The following SH3GL2 variants were observed in gnomAD, a reference collection of about 807,000 sequenced individuals.
The protein encoded by SH3GL2 is endophilin-A1.
SH3GL2 carries 24 observed loss-of-function variants against 46.0 expected under a neutral mutation model. The ratio of observed to expected loss-of-function variants is 0.52; its 90% CI spans 0.38 to 0.73. The LOEUF (loss-of-function observed/expected upper bound fraction) is 0.73, where lower values mean the gene tolerates loss of function less well. Among genes scored for constraint, SH3GL2 ranks in the 30% least tolerant of loss-of-function variants. The pLI is 0.00. For missense variants in SH3GL2, 413 were observed against 424.2 expected (o/e 0.97, Z 0.23); for synonymous variants, 196 against 147.1 (o/e 1.33, Z -2.40).
At chr9:17,777,242 C>G (rs1181485821) in intron 3 of SH3GL2, among the ~76,000 whole-genome samples, 1 of 152,104 alleles carries the variant, frequency 6.6e-6, no homozygotes, top group African/African-American at 2.4e-5. Context: ...TCAAACATAA[C>G]TTTTTAAGAT....
At chr9:17,787,098 C>CCTA (rs374460709) in intron 4 of SH3GL2, among the ~76,000 whole-genome samples, 27 of 152,244 alleles carry the variant, frequency 1.8e-4, no homozygotes, top group African/African-American at 4.8e-4. Flanking sequence ...TTAAGCTAGT[C>CCTA]CCACATTAGG....
chr9:17,767,086 T>TA (rs1793024201), intron 3 of SH3GL2, among the ~76,000 whole-genome samples: 1 of 152,208 alleles, frequency 6.6e-6, no homozygotes, highest in African/African-American at 2.4e-5. Context: ...CCTGATGTGA[T>TA]AATCTAATAC....
At chr9:17,588,429 C>T (rs965836615) in intron 1 of SH3GL2, among the ~76,000 whole-genome samples, 5 of 152,090 alleles carry the variant, frequency 3.3e-5, no homozygotes, top group Non-Finnish European at 5.9e-5. Context: ...ATCTCATGAG[C>T]CCTTTAAAAG....
At chr9:17,750,415 G>A (rs1039450674) in intron 2 of SH3GL2, among the ~76,000 whole-genome samples, 2 of 151,868 alleles carry the variant, frequency 1.3e-5, no homozygotes, top group South Asian at 2.1e-4. Flanking sequence ...CTAATCAGCC[G>A]CCCCAGCCAC....
chr9:17,703,175 C>T (rs1278952302), intron 1 of SH3GL2, among the ~76,000 whole-genome samples: 1 of 151,782 alleles, frequency 6.6e-6, no homozygotes, highest in Non-Finnish European at 1.5e-5. Flanking sequence ...CACCCTTTAT[C>T]AAATGAAAAT....
At chr9:17,682,969 C>A (rs1820811633) in intron 1 of SH3GL2, among the ~76,000 whole-genome samples, 1 of 151,934 alleles carries the variant, frequency 6.6e-6, no homozygotes, top group African/African-American at 2.4e-5. Context: ...TTCATGCTTA[C>A]AATAGTAAAA....
chr9:17,724,547 A>G (rs1280867931), intron 1 of SH3GL2, among the ~76,000 whole-genome samples: 1 of 151,724 alleles, frequency 6.6e-6, no homozygotes, highest in African/African-American at 2.4e-5. Context: ...TATGTGTCAC[A>G]TTTTCCTGGG....
intron 1 of SH3GL2, among the ~76,000 whole-genome samples, chr9:17,659,504 T>C (rs751203799): frequency 6.6e-6 from 1 of 152,096 alleles, no homozygotes; most frequent in Non-Finnish European, 1.5e-5. Flanking sequence ...GTTGGAGAGA[T>C]ATTAATGAAT....
chr9:17,647,095 G>A (rs1293950906), intron 1 of SH3GL2, among the ~76,000 whole-genome samples: 1 of 152,188 alleles, frequency 6.6e-6, no homozygotes, highest in Non-Finnish European at 1.5e-5. Flanking sequence ...ATCCAGAGAG[G>A]CAGTATGGCT....
chr9:17,680,501 C>G (rs1018948139), intron 1 of SH3GL2, among the ~76,000 whole-genome samples: 1 of 151,926 alleles, frequency 6.6e-6, no homozygotes, highest in Non-Finnish European at 1.5e-5. Context: ...TTTATTGCGT[C>G]TATTTGATTC....
At chr9:17,770,958 C>A (rs999336000) in intron 3 of SH3GL2, among the ~76,000 whole-genome samples, 1 of 152,136 alleles carries the variant, frequency 6.6e-6, no homozygotes, top group Non-Finnish European at 1.5e-5. Context: ...TGCAGCCTGG[C>A]GAGACCCTGA....
intron 2 of SH3GL2, among the ~76,000 whole-genome samples, chr9:17,751,479 CGTGTGTGTGTGTGTGT>C (rs58212352): frequency 6.8e-6 from 1 of 146,474 alleles, no homozygotes; most frequent in East Asian, 2.1e-4. Flanking sequence ...TTTGTGTGTG[CGTGTGTGTGTGTGTGT>C]GTGTGTGTGT....
chr9:17,681,867 C>G (rs191433041), intron 1 of SH3GL2, among the ~76,000 whole-genome samples: 1 of 151,814 alleles, frequency 6.6e-6, no homozygotes, highest in East Asian at 1.9e-4. Flanking sequence ...AGAAAAAACC[C>G]CATCAAAAAG....
intron 1 of SH3GL2, among the ~76,000 whole-genome samples, chr9:17,658,494 A>T (rs973876958): frequency 1.3e-5 from 2 of 152,252 alleles, no homozygotes; most frequent in Admixed American, 6.5e-5. Flanking sequence ...ATTAATAAAA[A>T]ATAGTAACAA....
At chr9:17,681,678 G>C (rs1470498797) in intron 1 of SH3GL2, among the ~76,000 whole-genome samples, 2 of 152,142 alleles carry the variant, frequency 1.3e-5, no homozygotes, top group African/African-American at 2.4e-5. Context: ...AAAAGCAGTT[G>C]CAACAAAAGT....
chr9:17,753,266 A>G (rs1822898546), intron 2 of SH3GL2, among the ~76,000 whole-genome samples: 1 of 152,130 alleles, frequency 6.6e-6, no homozygotes, highest in South Asian at 2.1e-4. Context: ...TGTCTTTAGG[A>G]TTTTGAGGAA....
intron 1 of SH3GL2, among the ~76,000 whole-genome samples, chr9:17,740,973 T>A (rs1822511492): frequency 6.6e-6 from 1 of 152,102 alleles, no homozygotes; most frequent in African/African-American, 2.4e-5. Flanking sequence ...AATTCATGTG[T>A]CTTGACTCTA....
intron 1 of SH3GL2, among the ~76,000 whole-genome samples, chr9:17,741,002 C>T (rs918879492): frequency 1.3e-5 from 2 of 151,940 alleles, no homozygotes; most frequent in South Asian, 2.1e-4. Context: ...TTTTAAAAAC[C>T]CTTGCCTAAA....
intron 3 of SH3GL2, among the ~76,000 whole-genome samples, chr9:17,783,103 G>T (rs1823859301): frequency 6.6e-6 from 1 of 152,228 alleles, no homozygotes; most frequent in African/African-American, 2.4e-5. Context: ...TCCAGTGCCT[G>T]TTGTGTTGTC....
Sources: allele counts gnomAD v4.1 joint callset (sites outside exome capture counted in the v4.1 genomes callset), GRCh38; gene constraint gnomAD v4.1.1; transcripts MANE v1.5; gene names NCBI Gene and HGNC (gene_info 2026-07-23, HGNC 2026-07-21).